Variants in SPEG observed in about 807,000 individuals in gnomAD.
SPEG encodes the protein striated muscle preferentially expressed protein kinase.
Under a neutral mutation model 300.4 loss-of-function variants are expected in SPEG, and 114 were observed. The observed-to-expected ratio is 0.38, with a 90% confidence interval of 0.33 to 0.44. SPEG has a LOEUF of 0.44. Among genes scored for constraint, SPEG ranks in the 20% least tolerant of loss-of-function variants. The pLI is 1.00. For synonymous variants in SPEG, 1,964 were observed against 2,018.9 expected, an observed-to-expected ratio of 0.97 and a Z score of 0.73; for missense variants, 4,201 against 4,586.2, an observed-to-expected ratio of 0.92 and a Z score of 2.43.
intron 31 of SPEG, among the ~76,000 whole-genome samples, chr2:219,485,730 C>T (rs1810144): frequency 0.62 from 94,549 of 152,164 alleles, 29,878 homozygotes; most frequent in East Asian, 0.75. Context: ...ATTGTCTCTA[C>T]TGTACAGGTG....
rs1216491868 is a variant in SPEG at position 219,459,417 on chromosome 2, C to T, written c.2441-2465C>T. On this transcript the variant is annotated intron_variant, in intron 6 of 40. Transcript: ENST00000312358. This position sits in a 1 kb window ranked among gnomAD's most constrained non-coding sequence, Gnocchi z 4.9. ...GTATGGAGCCTCAGGAATCCTCGATCAGCTTCCTTGGTCACTCACTTTTGG... is the reference window on the plus strand; with the variant it reads ...GTATGGAGCCTCAGGAATCCTCGATTAGCTTCCTTGGTCACTCACTTTTGG... Among the ~76,000 whole-genome samples, 2 of 152,222 alleles carry T rather than the reference C, an allele frequency of 1.3e-5. No homozygotes were observed. Among genetic ancestry groups the T allele is most frequent in the Non-Finnish European group, 2.9e-5 (2 of 68,042 alleles).
chr2:219,478,190 GT>G, intron 22 of SPEG, 85 bp downstream of exon 22: 1 of 1,206,384 alleles, frequency 8.3e-7, no homozygotes, highest in Non-Finnish European at 1.2e-6. Flanking sequence ...ATGTTTTACA[GT>G]TTACAAAGTA....
At position 219,490,619 on chromosome 2, in the gene SPEG, C is replaced by T. The variant is rs1238037992; in HGVS notation, c.9132C>T (p.Asn3044=). 4.3e-6 allele frequency: 7 copies of T among 1,611,854 alleles called. No individual in the cohort carries two copies. Among genetic ancestry groups the T allele is most frequent in the Middle Eastern group, 1.7e-4 (1 of 6,056 alleles). Residue 3044 remains asparagine, a synonymous_variant, in exon 37 of 41, where the codon AAC becomes AAT. Transcript: ENST00000312358. ...YLVLIAESCG[N]RELLCGLSDR... ...TGCTCATTGCTGAGAGCTGTGGCAA[C>T]CGGGAACTCCTCTGTGGGCTCAGTG...
chr2:219,464,600 A>G lies in SPEG; in HGVS notation c.2873A>G (p.Glu958Gly), dbSNP rs1406202553. The G allele has an allele frequency of 1.2e-6, 2 of 1,613,892 alleles. No individual in the cohort carries two copies. The highest frequency in any genetic ancestry group is 1.7e-6 in the Non-Finnish European group (2 of 1,179,828). The change falls in exon 9 of 41, where the codon GAG (glutamate) becomes GGG (glycine). Residue 958 changes from glutamate to glycine, a missense_variant. Around this residue, in one of 4 missense-constraint regions of SPEG, gnomAD observed 1,047 missense variants for 1,356.8 expected, o/e 0.77. Transcript: ENST00000312358. The surrounding 1 kb of genome is among the most constrained non-coding windows in gnomAD (Gnocchi z 4.5). Reference protein sequence around the residue: ...YGARQCEARLEVRAHPESRSL... With the variant: ...YGARQCEARLGVRAHPESRSL... ...GCTCGGCAGTGCGAGGCCCGCTTGG[A>G]GGTCCGAGGTGAGTACCTGATTTCT...
At chr2:219,435,759 G>A (rs746657352) in intron 1 of SPEG, among the ~76,000 whole-genome samples, 1 of 152,248 alleles carries the variant, frequency 6.6e-6, no homozygotes, top group Non-Finnish European at 1.5e-5. Flanking sequence ...CTTAACAGGG[G>A]AGTCCATGTC....
intron 1 of SPEG, chr2:219,442,112 G>A: frequency 1.7e-6 from 2 of 1,181,426 alleles, no homozygotes; most frequent in Non-Finnish European, 2.1e-6. Flanking sequence ...GGCGGCGCCG[G>A]GAGGGGGCAG....
chr2:219,470,833 T>C (rs768727847), intron 13 of SPEG, among the ~76,000 whole-genome samples: 1 of 152,152 alleles, frequency 6.6e-6, no homozygotes, highest in Admixed American at 6.5e-5. Context: ...AAAATGGGGA[T>C]AATTTTGTAG....
At chr2:219,470,948 T>TTGG (rs1553613403) in intron 13 of SPEG, among the ~76,000 whole-genome samples, 1 of 151,938 alleles carries the variant, frequency 6.6e-6, no homozygotes, top group Non-Finnish European at 1.5e-5. Context: ...TATTTGGTAC[T>TTGG]TACTGTGTGT....
rs1338208388 is a variant in SPEG at position 219,449,201 on chromosome 2, G to A, written c.2043G>A (p.Gly681=). Residue 681 remains glycine (G), a synonymous_variant, in exon 4 of 41, where the codon GGG becomes GGA. Transcript: ENST00000312358. ...GGCCGGAGGAGGACGGTCCCTGGGG[G>A]CCCTGGGACCGCCGAGGGGCCCGCA... ...RRGPEEDGPW[G]PWDRRGARSQ... The A allele has an allele frequency of 1.4e-6, 2 of 1,393,848 alleles. No homozygotes were observed. The highest frequency in any genetic ancestry group is 1.5e-5 in the African/African-American group (1 of 65,218). 86.3% of individuals were successfully genotyped at this position (1,393,848 alleles called of 1,614,324 possible).
chr2:219,460,682 C>T lies in SPEG; in HGVS notation c.2441-1200C>T, dbSNP rs566129698. The stretch of plus-strand genomic sequence containing the variant: ...CCGCCCTCCCTCCCCTCTCCCCTCT[C>T]CTCCCCCTCCACACCAGGGCCCAGG... On this transcript the variant is annotated intron_variant, in intron 6 of 40. Coordinates refer to ENST00000312358, the MANE Select transcript of SPEG (RefSeq NM_005876.5). 1.6e-4 allele frequency: 161 copies of T among 982,162 alleles called. 1 individual carries two copies. In the South Asian group the frequency reaches 3.1e-3, roughly 19 times the overall value. The allele number at this position is 982,162 out of a possible 1,614,324, so 60.8% of individuals were successfully genotyped here.
chr2:219,484,211 C>G lies in SPEG; in HGVS notation c.6748C>G (p.Gln2250Glu). Residue 2250 changes from glutamine to glutamate, a missense_variant, in exon 30 of 41, where the codon CAG becomes GAG. Gln to Glu is a conservative substitution (Grantham distance 29). Around this residue, in one of 4 missense-constraint regions of SPEG, gnomAD observed 1,578 missense variants for 1,506.0 expected, o/e 1.05. Coordinates refer to ENST00000312358, the MANE Select transcript of SPEG (RefSeq NM_005876.5). Reference protein sequence around the residue: ...LPLTPYAQIIQSLQLSGHAQG... With the variant: ...LPLTPYAQIIESLQLSGHAQG... ...CCTCACACCCTATGCTCAGATCATT[C>G]AGTCCCTCCAGCTGTCAGGCCACGC... 6.2e-7 allele frequency: 1 copy of G among 1,612,682 alleles called. No homozygotes were observed. The highest frequency in any genetic ancestry group is 8.5e-7 in the Non-Finnish European group (1 of 1,179,922).
chr2:219,478,108 A>G lies in SPEG; in HGVS notation c.5027+3A>G. On this transcript the variant is annotated splice_donor_region_variant and intron_variant, in intron 22 of 40. Transcript: ENST00000312358. ...GGACTGGTCATTGTCACCGAGCTGT[A>G]TCCTGGGACAGGCTGGGGGCTAGGG... The G allele has an allele frequency of 6.2e-7, 1 of 1,612,638 alleles. No individual in the cohort carries two copies. Among genetic ancestry groups the G allele is most frequent in the Non-Finnish European group, 8.5e-7 (1 of 1,178,738 alleles).
At chr2:219,492,331 C>T in intron 40 of SPEG, 71 bp downstream of exon 40, 1 of 1,499,510 alleles carries the variant, frequency 6.7e-7, no homozygotes, top group Non-Finnish European at 9.1e-7. Context: ...AGAGATCTCC[C>T]AGCTCCTCCC....
rs1369252513 is a variant in SPEG at position 219,488,357 on chromosome 2, C to T, written c.7858+47C>T. The stretch of plus-strand genomic sequence containing the variant: ...CAGAGAGGGAGGCCAGCAAGTGGCC[C>T]TGAGCCCAGGGGATGGGAGGGGCTA... On this transcript the variant is annotated intron_variant, in intron 32 of 40. Transcript: ENST00000312358. 2.6e-6 allele frequency: 4 copies of T among 1,546,142 alleles called. No homozygotes were observed. The Admixed American group carries it at 5.3e-5, about 21-fold the overall frequency.
Position 219,439,849 on chromosome 2 carries a change from C to T in SPEG, c.388+4484C>T, listed in dbSNP as rs1954811472. ...CTTGGATTCTCCTGGGGAACAGGGG[C>T]TCAAGTTACCCCCTCTCATCACTCA... is the stretch of plus-strand genomic sequence containing the variant. On this transcript the variant is annotated intron_variant, in intron 1 of 40. Coordinates refer to ENST00000312358, the MANE Select transcript of SPEG (RefSeq NM_005876.5). This position sits in a 1 kb window ranked among gnomAD's most constrained non-coding sequence, Gnocchi z 4.5. 6.6e-6 allele frequency among the ~76,000 whole-genome samples: 1 copy of T among 152,184 alleles called. No homozygotes were observed. Among genetic ancestry groups the T allele is most frequent in the South Asian group, 2.1e-4 (1 of 4,830 alleles).
rs1425481546 is a variant in SPEG, at chr2:219,451,881, C to T, written c.2440+74C>T. 6.4e-6 allele frequency: 9 copies of T among 1,400,320 alleles called. No individual in the cohort carries two copies. The highest frequency in any genetic ancestry group is 4.4e-5 in the South Asian group (3 of 68,094). The allele number at this position is 1,400,320 out of a possible 1,614,324, so 86.7% of individuals were successfully genotyped here. ...TCCCCTGGCCCAGGCCCCAGTCCAC[C>T]TCCCTTCCCACTCTCAGCCTTGAGC... On this transcript the variant is annotated intron_variant, in intron 6 of 40. Coordinates refer to ENST00000312358, the MANE Select transcript of SPEG (RefSeq NM_005876.5). The surrounding 1 kb of genome is among the most constrained non-coding windows in gnomAD (Gnocchi z 6.4).
Position 219,464,168 on chromosome 2 carries a change from C to G in SPEG, c.2706-265C>G, listed in dbSNP as rs1393909893. ...GAAAAAAGAGCTAAATAGCACGGCTCCACTCTGAATGCAGCAGGGTTCCGA... is the reference window on the plus strand; with the variant it reads ...GAAAAAAGAGCTAAATAGCACGGCTGCACTCTGAATGCAGCAGGGTTCCGA... On this transcript the variant is annotated intron_variant, in intron 8 of 40. Coordinates refer to ENST00000312358, the MANE Select transcript of SPEG (RefSeq NM_005876.5). This position sits in a 1 kb window ranked among gnomAD's most constrained non-coding sequence, Gnocchi z 4.5. Among the ~76,000 whole-genome samples the G allele has an allele frequency of 6.6e-6, 1 of 151,344 alleles. No homozygotes were observed. The highest frequency in any genetic ancestry group is 2.4e-5 in the African/African-American group (1 of 41,128).
At chr2:219,453,125 C>T (rs1189620528) in intron 6 of SPEG, among the ~76,000 whole-genome samples, 1 of 152,226 alleles carries the variant, frequency 6.6e-6, no homozygotes, top group Non-Finnish European at 1.5e-5. Flanking sequence ...TGAGGGGGCC[C>T]AGGCCTGGCT....
In SPEG at chr2:219,468,840, C is replaced by A; in HGVS notation, c.3302-19C>A. 6.2e-7 allele frequency: 1 copy of A among 1,609,140 alleles called. No individual in the cohort carries two copies. Reference sequence around the variant, plus strand: ...CCCTCACTGTGCCTGCTCTGCATTCCCACCCCTCCTTTCTGCAGGCTGCCC... The same window carrying A: ...CCCTCACTGTGCCTGCTCTGCATTCACACCCCTCCTTTCTGCAGGCTGCCC... On this transcript the variant is annotated intron_variant, in intron 11 of 40. Transcript: ENST00000312358.
Sources: allele counts gnomAD v4.1 joint callset (sites outside exome capture counted in the v4.1 genomes callset), GRCh38; gene constraint gnomAD v4.1.1; regional missense constraint gnomAD v4.1.1; non-coding constraint Gnocchi (gnomAD v3.1); transcripts MANE v1.5; gene names NCBI Gene and HGNC (gene_info 2026-07-23, HGNC 2026-07-21).